The following HTRA4 variants were observed in gnomAD, a reference collection of about 807,000 sequenced individuals.
HTRA4 encodes serine protease HTRA4.
In HTRA4, 46 loss-of-function variants were observed where a neutral mutation model predicts 49.1. The observed-to-expected ratio is 0.94, with a 90% CI of 0.74 to 1.20. The LOEUF is 1.20. Among genes scored for constraint, HTRA4 ranks in the 50% most tolerant of loss-of-function variants. HTRA4 has a pLI of 0.00. For synonymous variants in HTRA4, 261 were observed against 264.0 expected (o/e 0.99, Z 0.11); for missense variants, 602 against 636.9 (o/e 0.95, Z 0.59).
intron 2 of HTRA4, among the ~76,000 whole-genome samples, chr8:38,975,671 C>G (rs1210029955): frequency 6.6e-6 from 1 of 152,188 alleles, no homozygotes; most frequent in Non-Finnish European, 1.5e-5. Flanking sequence ...AGCCTCCCGA[C>G]GTGCTGGGAT....
Position 38,974,570 on chromosome 8 carries a change from C to T in HTRA4, c.307C>T (p.Pro103Ser). 7.0e-7 allele frequency: 1 copy of T among 1,420,724 alleles called. No individual in the cohort carries two copies. Among genetic ancestry groups the T allele is most frequent in the South Asian group, 1.5e-5 (1 of 67,942 alleles). The allele number at this position is 1,420,724 out of a possible 1,614,324, so 88.0% of individuals were successfully genotyped here. Reference protein sequence around the residue: ...QCLQPLRPGFPSTCGCPTLGG... With the variant: ...QCLQPLRPGFSSTCGCPTLGG... ...CCTCCAGCCGCTGCGCCCCGGGTTC[C>T]CCAGCACCTGCGGTTGCCCGACGCT... Residue 103 changes from proline (P) to serine (S), a missense_variant, in exon 1 of 9, where the codon CCC becomes TCC. Transcript: ENST00000302495.
intron 8 of HTRA4, among the ~76,000 whole-genome samples, chr8:38,987,388 A>C (rs1024442977): frequency 1.4e-5 from 2 of 146,420 alleles, no homozygotes; most frequent in Admixed American, 7.0e-5. Flanking sequence ...TTAGACTCAG[A>C]AGGTTGGCGG....
At chr8:38,983,539 T>G (rs1354636324) in intron 8 of HTRA4, among the ~76,000 whole-genome samples, 1 of 151,984 alleles carries the variant, frequency 6.6e-6, no homozygotes, top group African/African-American at 2.4e-5. Flanking sequence ...AAAAAAAATA[T>G]TATCATTATA....
At chr8:38,978,751 C>T (rs1221814383) in intron 4 of HTRA4, among the ~76,000 whole-genome samples, 2 of 151,614 alleles carry the variant, frequency 1.3e-5, no homozygotes, top group African/African-American at 4.9e-5. Flanking sequence ...AATCCCAGCA[C>T]TTTGGGAGGC....
At position 38,974,381 on chromosome 8, in the gene HTRA4, T is replaced by C; in HGVS notation, c.118T>C (p.Cys40Arg). ...GAEKLHTQPS[C>R]PAVCQPTRCP... ...TGAAAAGCTACATACCCAGCCCTCC[T>C]GCCCCGCGGTCTGCCAGCCCACGCG... The change falls in exon 1 of 9, where the codon TGC (cysteine) becomes CGC (arginine). Residue 40 changes from cysteine (C) to arginine (R), a missense_variant. Transcript: ENST00000302495. 1 of 1,580,866 alleles carries C rather than the reference T, an allele frequency of 6.3e-7. No homozygotes were observed. Among genetic ancestry groups the C allele is most frequent in the Admixed American group, 1.8e-5 (1 of 55,162 alleles).
chr8:38,975,951 G>A (rs1228331899), intron 2 of HTRA4, among the ~76,000 whole-genome samples: 2 of 152,176 alleles, frequency 1.3e-5, no homozygotes, highest in African/African-American at 2.4e-5. Flanking sequence ...GAGAACCCAT[G>A]GGCTGCTACA....
At chr8:38,976,839 T>C (rs1341493719) in intron 3 of HTRA4, 100 bp downstream of exon 3, 3 of 1,112,368 alleles carry the variant, frequency 2.7e-6, no homozygotes, top group African/African-American at 1.6e-5. Flanking sequence ...ACATCTTTTC[T>C]GTTGAATATA....
chr8:38,974,504 G>A lies in HTRA4; in HGVS notation c.241G>A (p.Gly81Ser). 1 of 1,492,362 alleles carries A rather than the reference G, an allele frequency of 6.7e-7. No individual in the cohort carries two copies. Among genetic ancestry groups the A allele is most frequent in the Non-Finnish European group, 8.8e-7 (1 of 1,130,676 alleles). The allele number at this position is 1,492,362 out of a possible 1,614,324, so 92.4% of individuals were successfully genotyped here. A position where few individuals can be genotyped will look rare whatever the true frequency, so the allele number is the denominator to read the frequency against. The change falls in exon 1 of 9, where the codon GGC becomes AGC. Residue 81 changes from glycine (G) to serine (S), a missense_variant. Physicochemically the swap from Gly to Ser is moderately conservative, Grantham distance 56. Coordinates refer to ENST00000302495, the MANE Select transcript of HTRA4 (RefSeq NM_153692.4). Reference sequence around the variant, plus strand: ...CCCCGCGGCCGAGCGTGAAGTCTGCGGCGGGGCGCAGGGCCAACCGTGCGC... The same window carrying A: ...CCCCGCGGCCGAGCGTGAAGTCTGCAGCGGGGCGCAGGGCCAACCGTGCGC... The part of the protein sequence containing the change: ...VCPAAEREVC[G>S]GAQGQPCAPG...
chr8:38,982,804 T>C, intron 7 of HTRA4, 149 bp from the exon 8 acceptor site: 1 of 647,028 alleles, frequency 1.5e-6, no homozygotes. Context: ...CAGCCCGAAC[T>C]GAGAGGAGAA....
At position 38,978,112 on chromosome 8, in the gene HTRA4, G is replaced by C; in HGVS notation, c.931G>C (p.Asp311His). Residue 311 changes from aspartate to histidine, a missense_variant, in exon 4 of 9, where the codon GAT becomes CAT. By Grantham distance (81) the Asp-to-His change is moderately conservative. Coordinates refer to ENST00000302495, the MANE Select transcript of HTRA4 (RefSeq NM_153692.4). ...CAAAGAACTGGGGATGAAGGATTCA[G>C]ATATGGACTACGTCCAGATTGATGC... ...GGKELGMKDS[D>H]MDYVQIDATI... 1 of 1,614,098 alleles carries C rather than the reference G, an allele frequency of 6.2e-7. No homozygotes were observed. Among genetic ancestry groups the C allele is most frequent in the Non-Finnish European group, 8.5e-7 (1 of 1,179,988 alleles).
chr8:38,982,453 C>G (rs1835434894), intron 6 of HTRA4, 45 bp from the exon 7 acceptor site: 1 of 1,545,706 alleles, frequency 6.5e-7, no homozygotes, highest in Non-Finnish European at 8.9e-7. Context: ...GCTGCGCTAA[C>G]AGGAAAGAGG....
At chr8:38,977,265 T>TG (rs1835364486) in intron 3 of HTRA4, among the ~76,000 whole-genome samples, 1 of 122,996 alleles carries the variant, frequency 8.1e-6, no homozygotes, top group African/African-American at 3.0e-5. Context: ...TATCAAGCAG[T>TG]CTTTTTTTTT....
chr8:38,977,879 C>T (rs1835371636), intron 3 of HTRA4, 74 bp from the exon 4 acceptor site: 5 of 1,490,076 alleles, frequency 3.4e-6, no homozygotes, highest in Non-Finnish European at 4.6e-6. Flanking sequence ...GTTAGACACA[C>T]ACTTTGGTCA....
chr8:38,983,101 C>A, intron 8 of HTRA4, 53 bp downstream of exon 8: 4 of 1,244,280 alleles, frequency 3.2e-6, no homozygotes, highest in South Asian at 1.2e-5. Context: ...TAAATGTGTG[C>A]CATGGTAAAA....
intron 5 of HTRA4, 55 bp from the exon 6 acceptor site, chr8:38,981,598 T>C (rs995720067): frequency 4.2e-6 from 5 of 1,197,266 alleles, no homozygotes; most frequent in Non-Finnish European, 6.2e-6. Context: ...GTTCTGGTCT[T>C]GCACTCATCA....
chr8:38,980,782 C>G (rs1373684268), intron 5 of HTRA4, among the ~76,000 whole-genome samples: 2 of 151,850 alleles, frequency 1.3e-5, no homozygotes, highest in Non-Finnish European at 2.9e-5. Flanking sequence ...TTATCCTTTC[C>G]CATTACCTAA....
At chr8:38,979,335 C>A in intron 5 of HTRA4, 88 bp downstream of exon 5, 1 of 1,222,480 alleles carries the variant, frequency 8.2e-7, no homozygotes, top group Non-Finnish European at 1.2e-6. Context: ...TGGCTCATGC[C>A]TGTAATCCCA....
At chr8:38,982,461 AG>A (rs756090982) in intron 6 of HTRA4, 36 bp from the exon 7 acceptor site, 4 of 1,571,056 alleles carry the variant, frequency 2.5e-6, no homozygotes, top group Non-Finnish European at 3.5e-6. Context: ...AACAGGAAAG[AG>A]GTTTTGTTGT....
chr8:38,981,072 T>TG (rs771304048), intron 5 of HTRA4, among the ~76,000 whole-genome samples: 36,299 of 108,460 alleles, frequency 0.33, 5,673 homozygotes, highest in East Asian at 0.57. Flanking sequence ...AGTTTTTTTT[T>TG]TTTTTTTTTT....
Sources: allele counts gnomAD v4.1 joint callset (sites outside exome capture counted in the v4.1 genomes callset), GRCh38; gene constraint gnomAD v4.1.1; transcripts MANE v1.5; gene names NCBI Gene and HGNC (gene_info 2026-07-23, HGNC 2026-07-21).